DLC1: variants seen among roughly 807,000 people sequenced by gnomAD.
DLC1 encodes DLC1 Rho GTPase activating protein, also known as rho GTPase-activating protein 7.
Under a neutral mutation model 140.3 loss-of-function variants are expected in DLC1, and 54 were observed. That is an observed-to-expected ratio of 0.38 (90% CI 0.31 to 0.48). The LOEUF is 0.48. Among genes scored for constraint, DLC1 ranks in the 20% least tolerant of loss-of-function variants. DLC1 has a pLI of 0.96. For missense variants in DLC1, 2,536 were observed against 1,907.0 expected, an observed-to-expected ratio of 1.33 and a Z score of -6.14; for synonymous variants, 986 against 728.1, an observed-to-expected ratio of 1.35 and a Z score of -5.70.
At chr8:13,431,503 A>G (rs1442606752) in intron 2 of DLC1, among the ~76,000 whole-genome samples, 3 of 144,510 alleles carry the variant, frequency 2.1e-5, no homozygotes, top group African/African-American at 2.5e-5. Flanking sequence ...AAAAAAAAAA[A>G]AAAAAAAAAA....
chr8:13,116,606 G>C (rs1820576326), intron 5 of DLC1, among the ~76,000 whole-genome samples: 1 of 152,172 alleles, frequency 6.6e-6, no homozygotes, highest in Admixed American at 6.5e-5. Context: ...GCAAGTGGGA[G>C]ACTAATAGTT....
intron 4 of DLC1, among the ~76,000 whole-genome samples, chr8:13,377,347 A>G (rs557954752): frequency 1.3e-5 from 2 of 152,350 alleles, no homozygotes; most frequent in African/African-American, 2.4e-5. Flanking sequence ...CCTTTGATAA[A>G]TAATCTAAAG....
chr8:13,353,401 C>T (rs1378147478), intron 4 of DLC1: 3 of 152,062 alleles, frequency 2.0e-5, no homozygotes, highest in South Asian at 2.1e-4. Flanking sequence ...ACAGGCCAGG[C>T]GTTCTGGTTG....
chr8:13,507,339 A>G (rs1802142543), intron 1 of DLC1, among the ~76,000 whole-genome samples: 1 of 152,176 alleles, frequency 6.6e-6, no homozygotes, highest in Admixed American at 6.5e-5. Context: ...GTAAATACAC[A>G]AACAAATAGC....
At chr8:13,090,683 A>G (rs372668038) in intron 14 of DLC1, among the ~76,000 whole-genome samples, 1 of 152,218 alleles carries the variant, frequency 6.6e-6, no homozygotes, top group African/African-American at 2.4e-5. Flanking sequence ...TCTTATTTCC[A>G]TGTAAGGTCT....
At chr8:13,498,718 C>G (rs1172860062) in intron 2 of DLC1, 4 of 201,322 alleles carry the variant, frequency 2.0e-5, no homozygotes, top group Admixed American at 1.6e-4. Context: ...AATCACTCTA[C>G]AGAATGCCTT....
intron 14 of DLC1, 103 bp downstream of exon 14, chr8:13,091,215 G>T (rs1215274625): frequency 2.0e-6 from 2 of 1,017,292 alleles, no homozygotes; most frequent in Admixed American, 2.2e-5. Flanking sequence ...GTCTCCAGCT[G>T]TGGAAAAGGT....
chr8:13,098,658 C>T, intron 9 of DLC1, 83 bp from the exon 10 acceptor site: 9 of 1,419,568 alleles, frequency 6.3e-6, no homozygotes, highest in Non-Finnish European at 8.5e-6. Flanking sequence ...CTCTGTTGCC[C>T]AGGCTGGAGT....
intron 2 of DLC1, among the ~76,000 whole-genome samples, chr8:13,441,209 C>A (rs1031433153): frequency 6.6e-6 from 1 of 152,134 alleles, no homozygotes; most frequent in Non-Finnish European, 1.5e-5. Context: ...GGACGTATCT[C>A]AAAATAATAA....
At chr8:13,206,475 C>T (rs956554115) in intron 5 of DLC1, among the ~76,000 whole-genome samples, 4 of 152,072 alleles carry the variant, frequency 2.6e-5, no homozygotes, top group African/African-American at 9.7e-5. Flanking sequence ...TACCTTCCCC[C>T]TTTCATTATG....
intron 2 of DLC1, among the ~76,000 whole-genome samples, chr8:13,489,546 A>T (rs1035136912): frequency 6.7e-5 from 10 of 150,240 alleles, no homozygotes; most frequent in African/African-American, 2.5e-4. Flanking sequence ...CTCATTTAAT[A>T]TTTCTGACAA....
At chr8:13,173,368 C>CTT (rs35778236) in intron 5 of DLC1, among the ~76,000 whole-genome samples, 2,646 of 103,444 alleles carry the variant, frequency 0.026, 111 homozygotes, top group East Asian at 0.045. Context: ...GTTCTGCCCT[C>CTT]TTTTTTTTTT....
intron 2 of DLC1, among the ~76,000 whole-genome samples, chr8:13,455,659 C>G (rs1225805947): frequency 6.6e-6 from 1 of 152,156 alleles, no homozygotes; most frequent in Non-Finnish European, 1.5e-5. Flanking sequence ...ATTAGTTTTT[C>G]TCTTTTCAAC....
intron 5 of DLC1, among the ~76,000 whole-genome samples, chr8:13,218,889 AATAT>A (rs1276958336): frequency 2.2e-4 from 20 of 90,484 alleles, no homozygotes; most frequent in African/African-American, 8.7e-4. Context: ...ATTATATATG[AATAT>A]ATATAATTAC....
intron 6 of DLC1, among the ~76,000 whole-genome samples, chr8:13,111,698 G>T (rs922613365): frequency 6.6e-6 from 1 of 152,026 alleles, no homozygotes; most frequent in Admixed American, 6.5e-5. Flanking sequence ...CACCCTCTTG[G>T]AGTCCCAACT....
At chr8:13,563,644 G>C (rs1399453874) in intron 1 of DLC1, among the ~76,000 whole-genome samples, 1 of 152,036 alleles carries the variant, frequency 6.6e-6, no homozygotes, top group East Asian at 1.9e-4. Flanking sequence ...TTAATCTATA[G>C]AGGAGAAACA....
intron 5 of DLC1, among the ~76,000 whole-genome samples, chr8:13,237,570 G>T (rs906103043): frequency 1.3e-5 from 2 of 151,950 alleles, no homozygotes; most frequent in Non-Finnish European, 2.9e-5. Context: ...CCCCAGCAAT[G>T]TACAGTGTAC....
Position 13,296,963 on chromosome 8 carries a change from TA to T in DLC1, c.1348+8305del, listed in dbSNP as rs1489153547. Among the ~76,000 whole-genome samples the T allele has an allele frequency of 2.0e-5, 3 of 152,062 alleles. No individual in the cohort carries two copies. The East Asian group carries it at 5.8e-4, about 29-fold the overall frequency. On this transcript the variant is annotated intron_variant, in intron 5 of 17. Coordinates refer to ENST00000276297, the MANE Select transcript of DLC1 (RefSeq NM_182643.3). ...AGAAACTATGTTCTATTGGTTCTGGTAATACAGTAGATTTGTCTCACCTAAT... is the reference window on the plus strand; with the variant it reads ...AGAAACTATGTTCTATTGGTTCTGGTATACAGTAGATTTGTCTCACCTAAT...
intron 5 of DLC1, among the ~76,000 whole-genome samples, chr8:13,210,970 AC>A (rs1382477318): frequency 2.0e-5 from 3 of 152,200 alleles, no homozygotes; most frequent in Non-Finnish European, 4.4e-5. Context: ...TTCTAGACTT[AC>A]AACTACTAAA....
Sources: gnomAD v4.1 joint callset for allele counts (sites outside exome capture counted in the v4.1 genomes callset) on GRCh38, gnomAD v4.1.1 for gene constraint, MANE v1.5 for transcripts, NCBI Gene and HGNC (gene_info 2026-07-23, HGNC 2026-07-21) for gene names.